Variants in DNAH14 observed in about 807,000 individuals in gnomAD.
DNAH14 encodes the protein axonemal beta dynein heavy chain 14.
In DNAH14, 478 loss-of-function variants were observed where a neutral mutation model predicts 520.9. The ratio of observed to expected loss-of-function variants is 0.92; its 90% CI spans 0.85 to 0.99. The LOEUF (loss-of-function observed/expected upper bound fraction) is 0.99, where lower values mean the gene tolerates loss of function less well. Ranked by LOEUF, DNAH14 falls within the 50% of genes least tolerant of loss-of-function variation. DNAH14 has a pLI of 0.00. For synonymous variants in DNAH14, 1,581 were observed against 1,757.2 expected (o/e 0.90, Z 2.51); for missense variants, 4,831 against 5,234.5 (o/e 0.92, Z 2.38).
chr1:225,173,239 A>G (rs1490028360), intron 36 of DNAH14, among the ~76,000 whole-genome samples: 2 of 152,240 alleles, frequency 1.3e-5, no homozygotes, highest in Non-Finnish European at 2.9e-5. Flanking sequence ...CAATGGCAAC[A>G]AAAGCCAAAA....
At chr1:225,150,441 A>G (rs2080386817) in intron 31 of DNAH14, among the ~76,000 whole-genome samples, 1 of 152,086 alleles carries the variant, frequency 6.6e-6, no homozygotes, top group Admixed American at 6.6e-5. Flanking sequence ...CTCCTCCTCA[A>G]TTTTTGGAAT....
chr1:225,357,681 G>A, intron 73 of DNAH14: 3 of 611,860 alleles, frequency 4.9e-6, no homozygotes, highest in Non-Finnish European at 8.8e-6. Flanking sequence ...GATTAAATGT[G>A]CTGTGTTAAA....
chr1:225,251,847 T>C (rs2092566320), intron 43 of DNAH14, among the ~76,000 whole-genome samples: 2 of 152,206 alleles, frequency 1.3e-5, no homozygotes, highest in African/African-American at 2.4e-5. Context: ...TATTATCTTA[T>C]AGTGAATCCA....
At position 225,236,797 on chromosome 1, in the gene DNAH14, T is replaced by A. The variant is rs138749421; in HGVS notation, c.6519-3796T>A. Among the ~76,000 whole-genome samples the A allele has an allele frequency of 1.1e-3, 175 of 152,290 alleles. 1 individual carries two copies. The highest frequency in any genetic ancestry group is 0.01 in the Middle Eastern group (3 of 294). The stretch of plus-strand genomic sequence containing the variant: ...TTTCACAATATTGATTCTTCTTATC[T>A]ATCAGCATAGAAGGTTTTTCCATTT... On this transcript the variant is annotated intron_variant, in intron 42 of 85. Coordinates refer to ENST00000682510, the MANE Select transcript of DNAH14 (RefSeq NM_001367479.1).
intron 3 of DNAH14, among the ~76,000 whole-genome samples, chr1:224,956,471 C>T (rs540115679): frequency 2.7e-4 from 41 of 152,152 alleles, no homozygotes; most frequent in Non-Finnish European, 5.1e-4. Context: ...AGTACAGAAA[C>T]GTGCTATACA....
chr1:225,294,066 G>A (rs887448476), intron 55 of DNAH14, among the ~76,000 whole-genome samples: 1 of 152,094 alleles, frequency 6.6e-6, no homozygotes, highest in African/African-American at 2.4e-5. Flanking sequence ...TATGATGTTA[G>A]CTGTGGGTTT....
At chr1:225,301,489 G>C (rs2094138395) in intron 56 of DNAH14, among the ~76,000 whole-genome samples, 1 of 152,098 alleles carries the variant, frequency 6.6e-6, no homozygotes, top group African/African-American at 2.4e-5. Flanking sequence ...GGATAGAGCG[G>C]GTGCTATTCA....
intron 10 of DNAH14, among the ~76,000 whole-genome samples, chr1:225,016,865 A>C (rs1391453757): frequency 6.6e-6 from 1 of 150,800 alleles, no homozygotes; most frequent in Non-Finnish European, 1.5e-5. Context: ...TCCTTCATTA[A>C]ATTTTTCAGT....
chr1:224,994,907 T>C (rs2063297599), intron 8 of DNAH14, among the ~76,000 whole-genome samples: 1 of 152,134 alleles, frequency 6.6e-6, no homozygotes, highest in Non-Finnish European at 1.5e-5. Context: ...TTCAAACTGA[T>C]AACTTAACTT....
In DNAH14 at chr1:225,380,151, T is replaced by C; in HGVS notation, c.12717-8T>C. ...TGTGTCTCATTCTTCTCTTGGTTTT[T>C]TTTGCAGACCTGAGCAGAGTAAGGA... On this transcript the variant is annotated splice_polypyrimidine_tract_variant and splice_region_variant and intron_variant, in intron 79 of 85. Transcript: ENST00000682510. The C allele has an allele frequency of 6.5e-7, 1 of 1,541,448 alleles. No homozygotes were observed. The highest frequency in any genetic ancestry group is 8.7e-7 in the Non-Finnish European group (1 of 1,142,892).
chr1:225,340,369 G>GA (rs1473956602), intron 68 of DNAH14, 88 bp from the exon 69 acceptor site: 6 of 1,365,828 alleles, frequency 4.4e-6, no homozygotes, highest in Non-Finnish European at 5.9e-6. Context: ...GTACTTCCAG[G>GA]AAAAATGCTT....
At chr1:225,046,475 G>C (rs553329985) in intron 15 of DNAH14, among the ~76,000 whole-genome samples, 1 of 151,982 alleles carries the variant, frequency 6.6e-6, no homozygotes, top group African/African-American at 2.4e-5. Context: ...TTTATCTGGC[G>C]TATGTTGTGA....
intron 15 of DNAH14, among the ~76,000 whole-genome samples, chr1:225,045,269 T>G (rs552397014): frequency 7.0e-6 from 1 of 143,802 alleles, no homozygotes; most frequent in South Asian, 2.1e-4. Flanking sequence ...TTTCTACTGT[T>G]TTTTTTTTAA....
chr1:225,206,885 G>A (rs1223938808), intron 40 of DNAH14, 83 bp from the exon 41 acceptor site: 4 of 1,197,876 alleles, frequency 3.3e-6, no homozygotes, highest in Non-Finnish European at 4.4e-6. Flanking sequence ...GGGCAGTGGT[G>A]AAGTAAAAAG....
intron 10 of DNAH14, among the ~76,000 whole-genome samples, chr1:225,010,629 T>A (rs2064640867): frequency 6.6e-6 from 1 of 151,840 alleles, no homozygotes; most frequent in African/African-American, 2.4e-5. Context: ...TAGGGAGGAG[T>A]CTCTCCTTTT....
At chr1:225,272,875 C>T in intron 51 of DNAH14, 80 bp from the exon 52 acceptor site, 1 of 1,340,162 alleles carries the variant, frequency 7.5e-7, no homozygotes, top group Non-Finnish European at 9.8e-7. Flanking sequence ...GGATCATAAA[C>T]CTGCAAAAAT....
chr1:225,047,901 C>A (rs1486758132), intron 15 of DNAH14, among the ~76,000 whole-genome samples: 1 of 152,168 alleles, frequency 6.6e-6, no homozygotes, highest in African/African-American at 2.4e-5. Context: ...AACTTGGATT[C>A]TTTCAGTAAC....
chr1:225,082,889 T>C, intron 20 of DNAH14, 150 bp downstream of exon 20: 1 of 639,318 alleles, frequency 1.6e-6, no homozygotes, highest in South Asian at 2.4e-5. Flanking sequence ...GAATAATAGG[T>C]GATAGGAAAT....
intron 21 of DNAH14, among the ~76,000 whole-genome samples, chr1:225,090,871 A>G (rs1047200050): frequency 6.6e-6 from 1 of 152,312 alleles, no homozygotes; most frequent in East Asian, 1.9e-4. Flanking sequence ...AAATTTATGT[A>G]TTAGATTTCA....
Sources: allele counts gnomAD v4.1 joint callset (sites outside exome capture counted in the v4.1 genomes callset), GRCh38; gene constraint gnomAD v4.1.1; transcripts MANE v1.5; gene names NCBI Gene and HGNC (gene_info 2026-07-23, HGNC 2026-07-21).